The following RBFOX3 variants were observed in gnomAD, a reference collection of about 807,000 sequenced individuals.
The protein encoded by RBFOX3 is RNA binding fox-1 homolog 3.
RBFOX3 carries 17 observed loss-of-function variants against 48.7 expected under a neutral mutation model. The observed-to-expected ratio is 0.35, with a 90% CI of 0.24 to 0.52. The LOEUF is 0.52. Among genes scored for constraint, RBFOX3 ranks in the 20% least tolerant of loss-of-function variants. RBFOX3 has a pLI of 0.94. For missense variants in RBFOX3, 382 were observed against 497.5 expected, an observed-to-expected ratio of 0.77 and a Z score of 2.21; for synonymous variants, 212 against 209.5, an observed-to-expected ratio of 1.01 and a Z score of -0.10.
intron 2 of RBFOX3, among the ~76,000 whole-genome samples, chr17:79,323,612 C>T (rs1354570360): frequency 6.6e-6 from 1 of 152,234 alleles, no homozygotes; most frequent in Non-Finnish European, 1.5e-5. Context: ...GCTGGACCTC[C>T]TCCCCAAGCC....
chr17:79,187,464 T>C (rs1283943222), intron 4 of RBFOX3, among the ~76,000 whole-genome samples: 1 of 152,122 alleles, frequency 6.6e-6, no homozygotes, highest in Non-Finnish European at 1.5e-5. Context: ...CATCGACAAA[T>C]ACATCGTGCT....
chr17:79,094,485 A>G lies in RBFOX3; in HGVS notation c.1043T>C (p.Ile348Thr). ...YAAADPYHHT[I>T]GPAATYSIGT... ...AATGCTGTAGGTCGCCGCGGGCCCGATGGTGTGATGGTACGGGTCGGCAGC... is the reference window on the plus strand; with the variant it reads ...AATGCTGTAGGTCGCCGCGGGCCCGGTGGTGTGATGGTACGGGTCGGCAGC... Residue 348 changes from isoleucine (I) to threonine (T), a missense_variant, in exon 14 of 15, where the codon ATC becomes ACC. This residue lies in a region of RBFOX3 where 215 missense variants were observed against 254.8 expected (regional missense o/e 0.84). Transcript: ENST00000693108. 7.3e-7 allele frequency: 1 copy of G among 1,376,702 alleles called. No homozygotes were observed. The highest frequency in any genetic ancestry group is 1.4e-5 in the South Asian group (1 of 73,858). The allele number at this position is 1,376,702 out of a possible 1,614,324, so 85.3% of individuals were successfully genotyped here. A position where few individuals can be genotyped will look rare whatever the true frequency, so the allele number is the denominator to read the frequency against.
At chr17:79,572,680 C>T (rs1050008252) in intron 1 of RBFOX3, among the ~76,000 whole-genome samples, 14 of 152,322 alleles carry the variant, frequency 9.2e-5, no homozygotes, top group South Asian at 2.1e-4. Flanking sequence ...GGAGGGCAGC[C>T]AGCCTGTCTG....
chr17:79,510,517 C>T (rs993457182), intron 1 of RBFOX3, among the ~76,000 whole-genome samples: 34 of 152,304 alleles, frequency 2.2e-4, no homozygotes, highest in Admixed American at 1.5e-3. Flanking sequence ...ACCGTGCCTG[C>T]GCAGCCCCTC....
the RBFOX3 span, among the ~76,000 whole-genome samples, chr17:79,641,677 T>C: frequency 6.6e-6 from 1 of 152,242 alleles, no homozygotes; most frequent in African/African-American, 2.4e-5. Flanking sequence ...GGAGGACTGA[T>C]ATGATTTGGA....
At chr17:79,430,040 G>C (rs1348928635) in intron 2 of RBFOX3, among the ~76,000 whole-genome samples, 2 of 152,136 alleles carry the variant, frequency 1.3e-5, no homozygotes, top group Non-Finnish European at 2.9e-5. Flanking sequence ...GGGGGAGCCT[G>C]GTGCTTCACC....
intron 4 of RBFOX3, among the ~76,000 whole-genome samples, chr17:79,129,582 C>T (rs529179456): frequency 7.2e-5 from 11 of 152,382 alleles, no homozygotes; most frequent in Admixed American, 3.3e-4. Flanking sequence ...TATGCACCCA[C>T]CTCTGTGCTT....
At chr17:79,154,458 T>C (rs2045312849) in intron 4 of RBFOX3, among the ~76,000 whole-genome samples, 1 of 152,124 alleles carries the variant, frequency 6.6e-6, no homozygotes, top group African/African-American at 2.4e-5. Context: ...ATAGCAGGTG[T>C]TCAATAAAGG....
At position 79,518,291 on chromosome 17, in the gene RBFOX3, T is replaced by C. The variant is rs1014607729; in HGVS notation, c.-319-35693A>G. Among the ~76,000 whole-genome samples the C allele has an allele frequency of 2.0e-5, 3 of 152,274 alleles. No homozygotes were observed. The South Asian group carries it at 6.2e-4, about 32-fold the overall frequency. On this transcript the variant is annotated intron_variant, in intron 1 of 14. Transcript: ENST00000693108. Reference sequence around the variant, plus strand: ...TCACGAGACATGGCAGTGAAAGTGATCTATCACTCTTTCAAGCGCACAGAC... The same window carrying C: ...TCACGAGACATGGCAGTGAAAGTGACCTATCACTCTTTCAAGCGCACAGAC...
intron 1 of RBFOX3, among the ~76,000 whole-genome samples, chr17:79,518,682 C>T (rs2085615896): frequency 2.0e-5 from 3 of 152,244 alleles, no homozygotes; most frequent in Non-Finnish European, 4.4e-5. Flanking sequence ...AGGCCTCAGG[C>T]TCCCCGTGCA....
At chr17:79,387,913 AG>A in intron 2 of RBFOX3, among the ~76,000 whole-genome samples, 1 of 106,998 alleles carries the variant, frequency 9.3e-6, no homozygotes, top group Non-Finnish European at 2.2e-5. Flanking sequence ...TGTGTGTACG[AG>A]TGTGCATACA....
chr17:79,549,198 T>A (rs1555792846), intron 1 of RBFOX3, among the ~76,000 whole-genome samples: 1 of 152,216 alleles, frequency 6.6e-6, no homozygotes, highest in Non-Finnish European at 1.5e-5. Flanking sequence ...AAGATTTTCA[T>A]GAGTCTCTCT....
In RBFOX3 at chr17:79,390,756, G is replaced by A. The variant is rs961733856; in HGVS notation, c.-174-82932C>T. 2.6e-5 allele frequency among the ~76,000 whole-genome samples: 4 copies of A among 152,200 alleles called. No individual in the cohort carries two copies. The South Asian group carries it at 8.3e-4, about 31-fold the overall frequency. ...CCTCCCAACGCATGGCCCATTCAAA[G>A]TTTGCCAGAGGCGAGTTCAGGGTGG... is the stretch of plus-strand genomic sequence containing the variant. On this transcript the variant is annotated intron_variant, in intron 2 of 14. Transcript: ENST00000693108. The surrounding 1 kb of genome is among the most constrained non-coding windows in gnomAD (Gnocchi z 4.2).
chr17:79,259,540 G>T (rs1285504554), intron 3 of RBFOX3, among the ~76,000 whole-genome samples: 1 of 152,186 alleles, frequency 6.6e-6, no homozygotes, highest in Non-Finnish European at 1.5e-5. Flanking sequence ...GGCCTGAGGA[G>T]GGAAGGGAGC....
In RBFOX3 at chr17:79,482,992, G is replaced by C. The variant is rs1445135732; in HGVS notation, c.-319-394C>G. ...CTTGCTTCCTCCCCCACCCAGCCTA[G>C]ATTCCAGGACCCACCACTGTCCGCA... On this transcript the variant is annotated intron_variant, in intron 1 of 14. Coordinates refer to ENST00000693108, the MANE Select transcript of RBFOX3 (RefSeq NM_001350451.2). The surrounding 1 kb of genome is among the most constrained non-coding windows in gnomAD (Gnocchi z 4.1). 6.6e-6 allele frequency among the ~76,000 whole-genome samples: 1 copy of C among 151,506 alleles called. No individual in the cohort carries two copies. The highest frequency in any genetic ancestry group is 1.5e-5 in the Non-Finnish European group (1 of 67,932).
chr17:79,227,887 G>A (rs2060506783), intron 4 of RBFOX3, among the ~76,000 whole-genome samples: 1 of 152,226 alleles, frequency 6.6e-6, no homozygotes. Flanking sequence ...ACTTTGCTTA[G>A]TGGGGAGCAG....
chr17:79,538,161 G>C (rs2089148286), intron 1 of RBFOX3, among the ~76,000 whole-genome samples: 1 of 152,240 alleles, frequency 6.6e-6, no homozygotes, highest in Non-Finnish European at 1.5e-5. Flanking sequence ...AAAACCGACA[G>C]AAGAGGAGCT....
At chr17:79,255,334 C>G (rs929900702) in intron 3 of RBFOX3, among the ~76,000 whole-genome samples, 1 of 151,878 alleles carries the variant, frequency 6.6e-6, no homozygotes, top group African/African-American at 2.4e-5. Flanking sequence ...TGGGTCTCAG[C>G]CCGGTGGCTG....
chr17:79,507,044 C>T (rs2083248805), intron 1 of RBFOX3, among the ~76,000 whole-genome samples: 1 of 152,206 alleles, frequency 6.6e-6, no homozygotes, highest in Non-Finnish European at 1.5e-5. Context: ...TTGGTGGAAT[C>T]TGATGCTGCC....
Sources: gnomAD v4.1 joint callset for allele counts (sites outside exome capture counted in the v4.1 genomes callset) on GRCh38, gnomAD v4.1.1 for gene constraint, gnomAD v4.1.1 regional missense constraint, Gnocchi (gnomAD v3.1) non-coding constraint, MANE v1.5 for transcripts, NCBI Gene and HGNC (gene_info 2026-07-23, HGNC 2026-07-21) for gene names.